The following DACH2 variants were observed in gnomAD, a reference collection of about 807,000 sequenced individuals.
DACH2 encodes dachshund family transcription factor 2.
A neutral mutation model predicts 35.8 loss-of-function variants in DACH2; 17 were observed. The ratio of observed to expected loss-of-function variants is 0.48; its 90% confidence interval spans 0.33 to 0.71. DACH2 has a LOEUF of 0.71. DACH2 is among the 30% of genes least tolerant of loss of function. DACH2 has a pLI of 0.02. For missense variants in DACH2, 469 were observed against 472.7 expected (o/e 0.99, Z 0.07); for synonymous variants, 195 against 177.3 (o/e 1.10, Z -0.79).
chrX:86,651,122 C>G lies in DACH2; in HGVS notation c.727C>G (p.Gln243Glu). ...AMNTLQGNGSQNGTESEPDDL... is the reference protein window; with the variant it reads ...AMNTLQGNGSENGTESEPDDL... ...GAACACTCTTCAGGGAAATGGAAGCCAAAATGGGACCGAATCAGAGCCTGA... is the reference window on the plus strand; with the variant it reads ...GAACACTCTTCAGGGAAATGGAAGCGAAAATGGGACCGAATCAGAGCCTGA... The change falls in exon 4 of 12, where the codon CAA (glutamine) becomes GAA (glutamate). Residue 243 changes from glutamine to glutamate, a missense_variant. Gln to Glu is a conservative substitution (Grantham distance 29, BLOSUM62 2). Transcript: ENST00000373125. 1 of 1,209,306 alleles carries G rather than the reference C, an allele frequency of 8.3e-7. No individual in the cohort carries two copies. The highest frequency in any genetic ancestry group is 3.0e-5 in the East Asian group (1 of 33,706).
intron 1 of DACH2, among the ~76,000 whole-genome samples, chrX:86,227,930 A>T (rs967517104): frequency 2.7e-4 from 30 of 109,859 alleles, no homozygotes; most frequent in Non-Finnish European, 5.7e-5. Flanking sequence ...TGCAATGCTG[A>T]TTTCTTTTTT....
At chrX:86,790,277 G>T (rs1422769549) in intron 7 of DACH2, among the ~76,000 whole-genome samples, 2 of 111,933 alleles carry the variant, frequency 1.8e-5, no homozygotes. Flanking sequence ...ATAGTCGTAT[G>T]CATAGACACA....
chrX:86,348,476 T>G (rs1030569077), intron 1 of DACH2, among the ~76,000 whole-genome samples: 1 of 112,059 alleles, frequency 8.9e-6, no homozygotes, highest in African/African-American at 3.2e-5. Flanking sequence ...TGAAAAAGTT[T>G]ATTTCATTTT....
chrX:86,388,558 G>C (rs1383922181), intron 2 of DACH2, among the ~76,000 whole-genome samples: 4 of 111,403 alleles, frequency 3.6e-5, no homozygotes, highest in African/African-American at 9.8e-5. Context: ...TTGAATGTGA[G>C]AAGTTGTCAG....
chrX:86,345,478 A>G (rs1304991076), intron 1 of DACH2: 5 of 276,409 alleles, frequency 1.8e-5, no homozygotes, highest in Non-Finnish European at 2.7e-5. Context: ...GGAGGGAGAG[A>G]GGGAGAAAGT....
At chrX:86,329,237 A>G (rs1161326003) in intron 1 of DACH2, among the ~76,000 whole-genome samples, 1 of 111,349 alleles carries the variant, frequency 9.0e-6, no homozygotes, top group Non-Finnish European at 1.9e-5. Flanking sequence ...GTATCCGTAA[A>G]GAAGTCTTTA....
At chrX:86,800,441 C>A (rs2042280912) in intron 7 of DACH2, among the ~76,000 whole-genome samples, 1 of 111,455 alleles carries the variant, frequency 9.0e-6, no homozygotes, top group Admixed American at 9.6e-5. Context: ...ATTTACACAT[C>A]CTTGCCTCTT....
intron 3 of DACH2, among the ~76,000 whole-genome samples, chrX:86,582,069 A>G (rs944874792): frequency 8.9e-6 from 1 of 111,988 alleles, no homozygotes; most frequent in African/African-American, 3.2e-5. Context: ...TCTCTCAAAA[A>G]CATATTACAT....
intron 1 of DACH2, among the ~76,000 whole-genome samples, chrX:86,171,083 A>G (rs1370378576): frequency 8.9e-6 from 1 of 112,006 alleles, no homozygotes; most frequent in Admixed American, 9.4e-5. Flanking sequence ...GGTTGGCCCT[A>G]TGCAGCTCCC....
chrX:86,287,742 T>C (rs1352338762), intron 1 of DACH2, among the ~76,000 whole-genome samples: 1 of 112,307 alleles, frequency 8.9e-6, no homozygotes, highest in Non-Finnish European at 1.9e-5. Flanking sequence ...TTTTTGATTA[T>C]TTCTATGTTT....
At chrX:86,420,522 CCAAA>C (rs200915668) in intron 2 of DACH2, among the ~76,000 whole-genome samples, 4,026 of 110,727 alleles carry the variant, frequency 0.036, 81 homozygotes, top group East Asian at 0.21. Flanking sequence ...GTACTTGTGG[CCAAA>C]CAGTTTTCTT....
chrX:86,683,403 G>A (rs764814499), intron 4 of DACH2, among the ~76,000 whole-genome samples: 67 of 111,540 alleles, frequency 6.0e-4, no homozygotes, highest in African/African-American at 2.0e-3. Flanking sequence ...TAGTTGTTTA[G>A]TCTCACTGCT....
chrX:86,781,617 T>C (rs989750993), intron 7 of DACH2, among the ~76,000 whole-genome samples: 1 of 111,537 alleles, frequency 9.0e-6, no homozygotes, highest in African/African-American at 3.3e-5. Flanking sequence ...AATATTCTGT[T>C]CCTCTAGAAC....
At chrX:86,326,129 G>A (rs192016827) in intron 1 of DACH2, among the ~76,000 whole-genome samples, 15 of 111,464 alleles carry the variant, frequency 1.3e-4, no homozygotes, top group African/African-American at 4.2e-4. Flanking sequence ...AGAATACAAT[G>A]CAAATGGCAC....
At chrX:86,586,295 T>C (rs1212314540) in intron 3 of DACH2, among the ~76,000 whole-genome samples, 1 of 111,574 alleles carries the variant, frequency 9.0e-6, no homozygotes, top group Non-Finnish European at 1.9e-5. Context: ...TTAAGTTCCT[T>C]AATGATTCTG....
intron 1 of DACH2, among the ~76,000 whole-genome samples, chrX:86,263,313 C>T (rs984273529): frequency 2.7e-5 from 3 of 111,381 alleles, no homozygotes; most frequent in African/African-American, 6.5e-5. Flanking sequence ...CTTTAAAAAA[C>T]GGCATTAGAA....
chrX:86,546,407 T>TCTTCTTCTTCTTCTTCTTCTTC (rs1569435811), intron 3 of DACH2, among the ~76,000 whole-genome samples: 22 of 87,353 alleles, frequency 2.5e-4, no homozygotes, highest in Non-Finnish European at 4.2e-4. Flanking sequence ...TCTTCTTCCT[T>TCTTCTTCTTCTTCTTCTTCTTC]CTTCTTCTTC....
intron 11 of DACH2, among the ~76,000 whole-genome samples, chrX:86,819,028 T>C (rs1424340415): frequency 9.4e-6 from 1 of 106,926 alleles, no homozygotes; most frequent in Non-Finnish European, 1.9e-5. Flanking sequence ...ATACATAATG[T>C]ATCCTATATA....
intron 1 of DACH2, among the ~76,000 whole-genome samples, chrX:86,298,257 C>T (rs767858257): frequency 2.7e-5 from 3 of 111,579 alleles, no homozygotes; most frequent in South Asian, 7.5e-4. Flanking sequence ...AGTGATTTGA[C>T]CCTCTTGGTC....
Sources: allele counts gnomAD v4.1 joint callset (sites outside exome capture counted in the v4.1 genomes callset), GRCh38; gene constraint gnomAD v4.1.1; transcripts MANE v1.5; gene names NCBI Gene and HGNC (gene_info 2026-07-23, HGNC 2026-07-21).